CSRNP3: variants seen among roughly 807,000 people sequenced by gnomAD.
CSRNP3 encodes cysteine and serine rich nuclear protein 3, also known as cysteine/serine-rich nuclear protein 3.
CSRNP3 carries 12 observed loss-of-function variants against 48.0 expected under a neutral mutation model. That is an observed-to-expected ratio of 0.25 (90% CI 0.16 to 0.41). CSRNP3 has a LOEUF of 0.41. CSRNP3 is among the 10% of genes least tolerant of loss of function. The pLI is 1.00. For synonymous variants in CSRNP3, 263 were observed against 269.7 expected (o/e 0.98, Z 0.24); for missense variants, 580 against 724.4 (o/e 0.80, Z 2.29).
Position 165,685,985 on chromosome 2 carries a change from T to C in CSRNP3, c.*6232T>C, listed in dbSNP as rs538651412. ...GGGTTAGAAGGAGACAAATTTATGG[T>C]AGAAATTAGCCTTGCCATTGTCTAA... On this transcript the variant is annotated 3_prime_UTR_variant, in exon 7 of 7. Transcript: ENST00000651982. 1.3e-5 allele frequency: 2 copies of C among 152,238 alleles called. No homozygotes were observed. Among genetic ancestry groups the C allele is most frequent in the East Asian group, 3.9e-4 (2 of 5,178 alleles). The allele number at this position is 152,238 out of a possible 1,614,324, so 9.4% of individuals were successfully genotyped here. A position where few individuals can be genotyped will look rare whatever the true frequency, so the allele number is the denominator to read the frequency against.
chr2:165,476,144 TCAA>T (rs1424094470), intron 1 of CSRNP3, among the ~76,000 whole-genome samples: 2 of 152,240 alleles, frequency 1.3e-5, no homozygotes, highest in African/African-American at 2.4e-5. Context: ...TTAAATTTGT[TCAA>T]CAACATTTGA....
At chr2:165,560,858 G>A (rs1429008795) in intron 3 of CSRNP3, among the ~76,000 whole-genome samples, 1 of 152,082 alleles carries the variant, frequency 6.6e-6, no homozygotes, top group African/African-American at 2.4e-5. Context: ...ATCTTTTAGT[G>A]GTATGTCTTT....
At chr2:165,551,336 T>A (rs999302924) in intron 3 of CSRNP3, among the ~76,000 whole-genome samples, 1 of 152,190 alleles carries the variant, frequency 6.6e-6, no homozygotes, top group Non-Finnish European at 1.5e-5. Context: ...TCGCACCTTA[T>A]TTCCATGATG....
intron 1 of CSRNP3, among the ~76,000 whole-genome samples, chr2:165,471,936 C>T (rs1176482886): frequency 6.6e-6 from 1 of 151,858 alleles, no homozygotes; most frequent in African/African-American, 2.4e-5. Context: ...AAATGAAAAC[C>T]ATGTAAGGCT....
chr2:165,596,716 GT>G (rs1685817014), intron 4 of CSRNP3, among the ~76,000 whole-genome samples: 3 of 145,378 alleles, frequency 2.1e-5, no homozygotes, highest in African/African-American at 7.6e-5. Flanking sequence ...ATGTATTTAT[GT>G]TTTGGGTCTT....
At position 165,679,369 on chromosome 2, in the gene CSRNP3, C is replaced by T. The variant is rs1362085634; in HGVS notation, c.1374C>T (p.Asp458=). 5.6e-6 allele frequency: 9 copies of T among 1,613,582 alleles called. No individual in the cohort carries two copies. The South Asian group carries it at 9.9e-5, about 18-fold the overall frequency. ...TCTCTGAGAACTATTCTGAAAGAGA[C>T]ACTGTCAAAAATGGTACCCTTTCGC... ...NQISENYSER[D]TVKNGTLSLV... is the part of the protein sequence containing the mutation. Residue 458 remains aspartate (D), a synonymous_variant, in exon 7 of 7, where the codon GAC becomes GAT. Transcript: ENST00000651982.
chr2:165,635,318 A>G (rs944346840), intron 4 of CSRNP3, among the ~76,000 whole-genome samples: 8 of 152,208 alleles, frequency 5.3e-5, no homozygotes, highest in East Asian at 1.9e-4. Flanking sequence ...ATGTACCTCA[A>G]CACCACATAG....
In CSRNP3 at chr2:165,612,732, A is replaced by T. The variant is rs550002656; in HGVS notation, c.148+17519A>T. ...ATTTAACATAATGTCCTCCAGGTTCATTCATGTGGCCATGAATGACAGGAT... is the reference window on the plus strand; with the variant it reads ...ATTTAACATAATGTCCTCCAGGTTCTTTCATGTGGCCATGAATGACAGGAT... On this transcript the variant is annotated intron_variant, in intron 4 of 6. Coordinates refer to ENST00000651982, the MANE Select transcript of CSRNP3 (RefSeq NM_001172173.2). Among the ~76,000 whole-genome samples the T allele has an allele frequency of 9.9e-5, 15 of 151,936 alleles. No homozygotes were observed. In the East Asian group the frequency reaches 2.7e-3, roughly 27 times the overall value.
At chr2:165,500,978 C>T (rs1159835505) in intron 2 of CSRNP3, among the ~76,000 whole-genome samples, 1 of 152,116 alleles carries the variant, frequency 6.6e-6, no homozygotes, top group Non-Finnish European at 1.5e-5. Flanking sequence ...TATCTTCTTG[C>T]TCTGTCAGAT....
intron 5 of CSRNP3, among the ~76,000 whole-genome samples, chr2:165,665,775 AAGAGAGAG>A (rs10645178): frequency 4.6e-4 from 60 of 131,290 alleles, no homozygotes; most frequent in Admixed American, 1.8e-3. Flanking sequence ...AAAAGAAAGA[AAGAGAGAG>A]AGAGAGAGAG....
chr2:165,526,284 A>G (rs1476574982), intron 3 of CSRNP3, among the ~76,000 whole-genome samples: 2 of 152,188 alleles, frequency 1.3e-5, no homozygotes, highest in African/African-American at 4.8e-5. Flanking sequence ...TTTTGATCGG[A>G]AAATTTACCT....
intron 4 of CSRNP3, among the ~76,000 whole-genome samples, chr2:165,606,740 G>A (rs562300337): frequency 4.6e-5 from 7 of 152,240 alleles, no homozygotes; most frequent in South Asian, 4.1e-4. Flanking sequence ...TTGAATAGCC[G>A]GATGTACATG....
In CSRNP3 at chr2:165,688,325, G is replaced by A. The variant is rs897153659; in HGVS notation, c.*8572G>A. On this transcript the variant is annotated 3_prime_UTR_variant, in exon 7 of 7. Coordinates refer to ENST00000651982, the MANE Select transcript of CSRNP3 (RefSeq NM_001172173.2). ...GTAAAGTTGATCTGCTTTATTTTTA[G>A]TTTATTGAATTTCTGGTGTACTAGC... 2.0e-5 allele frequency: 3 copies of A among 151,992 alleles called. No homozygotes were observed. Among genetic ancestry groups the A allele is most frequent in the African/African-American group, 7.2e-5 (3 of 41,406 alleles). 9.4% of individuals were successfully genotyped at this position (151,992 alleles called of 1,614,324 possible). A position where few individuals can be genotyped will look rare whatever the true frequency, so the allele number is the denominator to read the frequency against.
At chr2:165,567,695 T>C (rs916277356) in intron 3 of CSRNP3, among the ~76,000 whole-genome samples, 2 of 152,110 alleles carry the variant, frequency 1.3e-5, no homozygotes, top group African/African-American at 2.4e-5. Flanking sequence ...TCCAAAATTA[T>C]CTGTTTTTTA....
At chr2:165,645,341 A>C (rs890570783) in intron 4 of CSRNP3, among the ~76,000 whole-genome samples, 1 of 152,070 alleles carries the variant, frequency 6.6e-6, no homozygotes, top group Non-Finnish European at 1.5e-5. Context: ...TCTCAAAAAA[A>C]TAAAAATAAA....
chr2:165,537,518 ATG>A (rs1684896666), intron 3 of CSRNP3, among the ~76,000 whole-genome samples: 1 of 151,166 alleles, frequency 6.6e-6, no homozygotes, highest in South Asian at 2.1e-4. Context: ...TCATCAATTA[ATG>A]TGTCAGTTTT....
chr2:165,643,494 G>A (rs981468878), intron 4 of CSRNP3, among the ~76,000 whole-genome samples: 13 of 152,278 alleles, frequency 8.5e-5, no homozygotes, highest in Middle Eastern at 3.4e-3. Context: ...TGGGGATCAA[G>A]GAGTACCAAC....
chr2:165,525,491 T>C (rs998481100), intron 3 of CSRNP3, among the ~76,000 whole-genome samples: 26 of 148,286 alleles, frequency 1.8e-4, no homozygotes, highest in South Asian at 1.1e-3. Context: ...TCTTCTTCTT[T>C]TTTTTTTTTT....
chr2:165,582,341 A>G lies in CSRNP3; in HGVS notation c.-23-12702A>G, dbSNP rs186744411. 8.3e-4 allele frequency among the ~76,000 whole-genome samples: 126 copies of G among 152,362 alleles called. 2 individuals are homozygous for G. Among genetic ancestry groups the G allele is most frequent in the East Asian group, 1.2e-3 (6 of 5,182 alleles). On this transcript the variant is annotated intron_variant, in intron 3 of 6. Coordinates refer to ENST00000651982, the MANE Select transcript of CSRNP3 (RefSeq NM_001172173.2). ...GAATGAGGCTATCTAACCACCTTTT[A>G]GGAAAGACAGGTACTGTCTAGGAAA...
Sources: allele counts gnomAD v4.1 joint callset (sites outside exome capture counted in the v4.1 genomes callset), GRCh38; gene constraint gnomAD v4.1.1; transcripts MANE v1.5; gene names NCBI Gene and HGNC (gene_info 2026-07-23, HGNC 2026-07-21).